The following TMEM64 variants were observed in gnomAD, a reference collection of about 807,000 sequenced individuals.
The protein encoded by TMEM64 is transmembrane protein 64.
In TMEM64, 19 loss-of-function variants were observed where a neutral mutation model predicts 24.5. The observed-to-expected ratio is 0.78, with a 90% CI of 0.54 to 1.14. The LOEUF is 1.14. TMEM64 is among the 50% of genes most tolerant of loss of function. TMEM64 has a pLI of 0.00. For synonymous variants in TMEM64, 262 were observed against 224.7 expected (o/e 1.17, Z -1.49); for missense variants, 487 against 493.0 (o/e 0.99, Z 0.12).
intron 1 of TMEM64, among the ~76,000 whole-genome samples, chr8:90,635,607 G>A (rs1441818467): frequency 6.6e-6 from 1 of 152,034 alleles, no homozygotes; most frequent in African/African-American, 2.4e-5. Context: ...TATACTCAGA[G>A]GAAAGGTACC....
Position 90,625,547 on chromosome 8 carries a change from T to TA in TMEM64, c.*123_*124insT. ...CTTTAAAAAAAAAAAATTGTGCAATTTAAAAACTAGTCAGTTTTGTTTGTG... is the reference window on the plus strand; with the variant it reads ...CTTTAAAAAAAAAAAATTGTGCAATTATAAAAACTAGTCAGTTTTGTTTGTG... On this transcript the variant is annotated 3_prime_UTR_variant, in exon 3 of 3. Transcript: ENST00000458549. 2.5e-6 allele frequency: 2 copies of TA among 801,558 alleles called. No individual in the cohort carries two copies. Among genetic ancestry groups the TA allele is most frequent in the Non-Finnish European group, 3.8e-6 (2 of 532,072 alleles). The allele number at this position is 801,558 out of a possible 1,614,324, so 49.7% of individuals were successfully genotyped here.
intron 2 of TMEM64, among the ~76,000 whole-genome samples, chr8:90,630,980 T>C (rs1240131178): frequency 6.6e-6 from 1 of 152,240 alleles, no homozygotes; most frequent in Non-Finnish European, 1.5e-5. Context: ...CCCCAAACTA[T>C]ATTACAATCT....
intron 1 of TMEM64, among the ~76,000 whole-genome samples, chr8:90,641,042 T>C (rs1315087073): frequency 6.6e-6 from 1 of 152,210 alleles, no homozygotes; most frequent in Non-Finnish European, 1.5e-5. Context: ...AAAAATTTTT[T>C]TTCTGTTAAA....
chr8:90,642,236 A>G (rs1212440539), intron 1 of TMEM64, among the ~76,000 whole-genome samples: 2 of 152,208 alleles, frequency 1.3e-5, no homozygotes, highest in African/African-American at 4.8e-5. Context: ...TTTAAGCCTC[A>G]TAACTACTTT....
intron 2 of TMEM64, among the ~76,000 whole-genome samples, chr8:90,628,861 T>G (rs1404167182): frequency 6.6e-6 from 1 of 152,178 alleles, no homozygotes; most frequent in Non-Finnish European, 1.5e-5. Context: ...AAGCACAATG[T>G]AAATATACTG....
intron 1 of TMEM64, among the ~76,000 whole-genome samples, chr8:90,642,353 G>A (rs1325238347): frequency 6.6e-6 from 1 of 151,766 alleles, no homozygotes; most frequent in African/African-American, 2.4e-5. Context: ...ACTTCTTTGA[G>A]GTACGCCCAG....
intron 1 of TMEM64, among the ~76,000 whole-genome samples, chr8:90,637,766 A>G (rs2130506151): frequency 6.6e-6 from 1 of 152,326 alleles, no homozygotes. Context: ...TTAATATTTC[A>G]GAAAAATTGG....
intron 1 of TMEM64, among the ~76,000 whole-genome samples, chr8:90,641,887 A>G (rs1409551467): frequency 1.3e-5 from 2 of 152,228 alleles, no homozygotes; most frequent in Non-Finnish European, 2.9e-5. Flanking sequence ...TATATATTTT[A>G]TCACAGCTTT....
At chr8:90,638,259 C>T (rs762453705) in intron 1 of TMEM64, among the ~76,000 whole-genome samples, 10 of 152,208 alleles carry the variant, frequency 6.6e-5, no homozygotes, top group Non-Finnish European at 1.0e-4. Flanking sequence ...GTCCCAGTCA[C>T]ATCAAAATTT....
In TMEM64 at chr8:90,634,209, A is replaced by C. The variant is rs186755108; in HGVS notation, c.796-2502T>G. Among the ~76,000 whole-genome samples, 287 of 152,278 alleles carry C rather than the reference A, an allele frequency of 1.9e-3. 3 individuals are homozygous for C. The highest frequency in any genetic ancestry group is 4.2e-3 in the East Asian group (22 of 5,194). ...TCCAGTAGCCAATTTTCCCAGCATTAGATACCAAATAATCAATAACTTCTC... is the reference window on the plus strand; with the variant it reads ...TCCAGTAGCCAATTTTCCCAGCATTCGATACCAAATAATCAATAACTTCTC... On this transcript the variant is annotated intron_variant, in intron 1 of 2. Transcript: ENST00000458549.
intron 1 of TMEM64, among the ~76,000 whole-genome samples, chr8:90,635,073 A>G (rs1433177941): frequency 2.6e-5 from 4 of 152,220 alleles, no homozygotes; most frequent in Non-Finnish European, 5.9e-5. Context: ...TGCTTGGAAG[A>G]GATAAAAAGA....
At chr8:90,636,189 C>T (rs1050863546) in intron 1 of TMEM64, among the ~76,000 whole-genome samples, 10 of 152,188 alleles carry the variant, frequency 6.6e-5, no homozygotes, top group Non-Finnish European at 1.2e-4. Flanking sequence ...CATACATATA[C>T]ACAGGTTTTA....
chr8:90,638,525 T>C (rs1318426416), intron 1 of TMEM64, among the ~76,000 whole-genome samples: 1 of 152,168 alleles, frequency 6.6e-6, no homozygotes, highest in Non-Finnish European at 1.5e-5. Flanking sequence ...CAACTGAAGG[T>C]TTCACCATTT....
intron 1 of TMEM64, among the ~76,000 whole-genome samples, chr8:90,634,305 T>C (rs1809482897): frequency 6.6e-6 from 1 of 152,202 alleles, no homozygotes; most frequent in African/African-American, 2.4e-5. Context: ...TTTGGAGCTC[T>C]AATACTGTCC....
chr8:90,629,185 A>C (rs1809403902), intron 2 of TMEM64, among the ~76,000 whole-genome samples: 2 of 152,246 alleles, frequency 1.3e-5, no homozygotes, highest in African/African-American at 4.8e-5. Flanking sequence ...ATTAAATCAA[A>C]CAAGCGTAAA....
chr8:90,633,342 T>A (rs988189962), intron 1 of TMEM64, among the ~76,000 whole-genome samples: 19 of 152,138 alleles, frequency 1.2e-4, no homozygotes, highest in African/African-American at 4.6e-4. Context: ...TGGAAGTGAA[T>A]CCTGCCCGAG....
At chr8:90,641,733 G>GT (rs1279400108) in intron 1 of TMEM64, among the ~76,000 whole-genome samples, 2 of 152,196 alleles carry the variant, frequency 1.3e-5, no homozygotes, top group South Asian at 2.1e-4. Context: ...AATAAGTTAT[G>GT]TGTGCATGAT....
chr8:90,623,570 T>C lies in TMEM64; in HGVS notation c.*2101A>G, dbSNP rs962627155. On this transcript the variant is annotated 3_prime_UTR_variant, in exon 3 of 3. Coordinates refer to ENST00000458549, the MANE Select transcript of TMEM64 (RefSeq NM_001008495.4). ...TAAGAAAAAAATGGATGATTTATTATATAAAATTAAGATTGGCAGAATACA... is the reference window on the plus strand; with the variant it reads ...TAAGAAAAAAATGGATGATTTATTACATAAAATTAAGATTGGCAGAATACA... 3.3e-5 allele frequency: 5 copies of C among 152,560 alleles called. No individual in the cohort carries two copies. The highest frequency in any genetic ancestry group is 3.8e-4 in the East Asian group (2 of 5,198). 9.5% of individuals were successfully genotyped at this position (152,560 alleles called of 1,614,324 possible).
chr8:90,638,791 A>C (rs1019848377), intron 1 of TMEM64, among the ~76,000 whole-genome samples: 4 of 152,174 alleles, frequency 2.6e-5, no homozygotes, highest in African/African-American at 7.2e-5. Flanking sequence ...AATTAAGAAC[A>C]CTCTGCCAAA....
Sources: allele counts gnomAD v4.1 joint callset (sites outside exome capture counted in the v4.1 genomes callset), GRCh38; gene constraint gnomAD v4.1.1; transcripts MANE v1.5; gene names NCBI Gene and HGNC (gene_info 2026-07-23, HGNC 2026-07-21).